SPPL2A: variants seen among roughly 807,000 people sequenced by gnomAD.
SPPL2A encodes signal peptide peptidase-like 2A.
SPPL2A carries 51 observed loss-of-function variants against 63.8 expected under a neutral mutation model. The ratio of observed to expected loss-of-function variants is 0.80; its 90% CI spans 0.64 to 1.01. SPPL2A has a LOEUF of 1.01. SPPL2A is among the 50% of genes least tolerant of loss of function. The pLI is 0.00. For missense variants in SPPL2A, 553 were observed against 622.7 expected (o/e 0.89, Z 1.19); for synonymous variants, 188 against 205.8 (o/e 0.91, Z 0.74).
At chr15:50,747,263 G>T (rs921731610) in intron 5 of SPPL2A, among the ~76,000 whole-genome samples, 4 of 152,084 alleles carry the variant, frequency 2.6e-5, no homozygotes, top group African/African-American at 9.7e-5. Context: ...ACTTAAAAGG[G>T]TCTCTGATGT....
intron 1 of SPPL2A, among the ~76,000 whole-genome samples, chr15:50,758,600 T>C (rs2062981510): frequency 6.6e-6 from 1 of 151,990 alleles, no homozygotes; most frequent in South Asian, 2.1e-4. Context: ...AGGGCTGCAA[T>C]TATAGGCGTG....
chr15:50,732,823 C>CT, intron 8 of SPPL2A, 139 bp from the exon 9 acceptor site: 1 of 595,724 alleles, frequency 1.7e-6, no homozygotes, highest in South Asian at 2.2e-5. Flanking sequence ...GATTCTCACT[C>CT]TGTCACCCAG....
intron 14 of SPPL2A, among the ~76,000 whole-genome samples, chr15:50,716,909 T>G (rs2062603167): frequency 6.6e-6 from 1 of 152,154 alleles, no homozygotes; most frequent in South Asian, 2.1e-4. Flanking sequence ...CTGCCTATTA[T>G]TTCTCTCTTT....
At chr15:50,754,756 G>A (rs537298170) in intron 1 of SPPL2A, among the ~76,000 whole-genome samples, 12 of 152,296 alleles carry the variant, frequency 7.9e-5, no homozygotes, top group African/African-American at 2.9e-4. Context: ...GCCTAGGTGG[G>A]CGGATCAACT....
Position 50,748,697 on chromosome 15 carries a change from G to T in SPPL2A, c.351C>A (p.Asn117Lys). The change falls in exon 3 of 15, where the codon AAC (asparagine) becomes AAA (lysine). Residue 117 changes from asparagine (N) to lysine (K), a missense_variant. By Grantham distance (94) the Asn-to-Lys change is moderately conservative (BLOSUM62 0). Coordinates refer to ENST00000261854, the MANE Select transcript of SPPL2A (RefSeq NM_032802.4). ...GGAEAMLVVN[N>K]SVLFPPSGNR... ...TGTTTTTATAACTTACTAGGACACTGTTATTGACAACTAACATTGCTTCAG... is the reference window on the plus strand; with the variant it reads ...TGTTTTTATAACTTACTAGGACACTTTTATTGACAACTAACATTGCTTCAG... 6.3e-7 allele frequency: 1 copy of T among 1,594,636 alleles called. No individual in the cohort carries two copies. Among genetic ancestry groups the T allele is most frequent in the Non-Finnish European group, 8.5e-7 (1 of 1,172,274 alleles).
At chr15:50,754,017 A>G (rs1015289670) in intron 1 of SPPL2A, among the ~76,000 whole-genome samples, 2 of 152,144 alleles carry the variant, frequency 1.3e-5, no homozygotes, top group African/African-American at 4.8e-5. Context: ...GGCTGGTCTC[A>G]AACTCCTGAC....
chr15:50,735,265 C>A (rs138179560), intron 8 of SPPL2A, among the ~76,000 whole-genome samples: 2 of 152,090 alleles, frequency 1.3e-5, no homozygotes, highest in South Asian at 2.1e-4. Context: ...GATTCATTCA[C>A]GCCTCTGCAT....
At chr15:50,758,679 A>C (rs565887361) in intron 1 of SPPL2A, among the ~76,000 whole-genome samples, 3 of 152,234 alleles carry the variant, frequency 2.0e-5, no homozygotes, top group African/African-American at 7.2e-5. Context: ...AAGGCCAGGC[A>C]AGTAATATAA....
chr15:50,761,422 C>A (rs2063010537), intron 1 of SPPL2A, among the ~76,000 whole-genome samples: 2 of 151,972 alleles, frequency 1.3e-5, no homozygotes, highest in Admixed American at 1.3e-4. Flanking sequence ...TCGAGAGTAG[C>A]CTGACCAATG....
rs2062490678 is a variant in SPPL2A at position 50,703,370 on chromosome 15, T to A, written c.*4430A>T. On this transcript the variant is annotated 3_prime_UTR_variant, in exon 15 of 15. Transcript: ENST00000261854. The stretch of plus-strand genomic sequence containing the variant: ...TACATATATATATTTTTTTTTTTTT[T>A]TTTTTTTTTTGAGATGGAGTCTCGC... The A allele has an allele frequency of 8.3e-6, 1 of 121,122 alleles. No individual in the cohort carries two copies. 7.5% of individuals were successfully genotyped at this position (121,122 alleles called of 1,614,324 possible).
rs1034849004 is a variant in SPPL2A, at chr15:50,706,404, A to G, written c.*1396T>C. 2 of 150,164 alleles carry G rather than the reference A, an allele frequency of 1.3e-5. No homozygotes were observed. The highest frequency in any genetic ancestry group is 3.0e-5 in the Non-Finnish European group (2 of 67,796). 9.3% of individuals were successfully genotyped at this position (150,164 alleles called of 1,614,324 possible). On this transcript the variant is annotated 3_prime_UTR_variant, in exon 15 of 15. Coordinates refer to ENST00000261854, the MANE Select transcript of SPPL2A (RefSeq NM_032802.4). ...GACTCCGTCTCAAAAAAAAAAAAAA[A>G]AAAAAAAAGAAAACTGAGATACAAG...
At chr15:50,732,144 T>G (rs1345975869) in intron 9 of SPPL2A, among the ~76,000 whole-genome samples, 1 of 150,994 alleles carries the variant, frequency 6.6e-6, no homozygotes, top group African/African-American at 2.4e-5. Flanking sequence ...TGGATAAGAG[T>G]GAGGAATAAC....
chr15:50,711,603 T>A (rs1205621894), intron 14 of SPPL2A, among the ~76,000 whole-genome samples: 1 of 152,142 alleles, frequency 6.6e-6, no homozygotes. Flanking sequence ...CGAAGTAAGA[T>A]CCTGAAGTAT....
At chr15:50,752,984 A>C (rs71471515) in intron 1 of SPPL2A, among the ~76,000 whole-genome samples, 9,027 of 152,278 alleles carry the variant, frequency 0.059, 362 homozygotes, top group Middle Eastern at 0.1. Context: ...CTTGTGATTC[A>C]TATCTACAGA....
At chr15:50,734,833 A>G (rs2062757709) in intron 8 of SPPL2A, among the ~76,000 whole-genome samples, 2 of 152,218 alleles carry the variant, frequency 1.3e-5, no homozygotes, top group African/African-American at 4.8e-5. Flanking sequence ...TTAAAAATAA[A>G]ACTTTTTAAA....
chr15:50,747,135 C>A (rs2062864668), intron 5 of SPPL2A, among the ~76,000 whole-genome samples: 1 of 152,184 alleles, frequency 6.6e-6, no homozygotes, highest in Non-Finnish European at 1.5e-5. Context: ...AATGACCCAG[C>A]CCAGGAGGAG....
At chr15:50,719,525 G>A (rs144672306) in intron 14 of SPPL2A, among the ~76,000 whole-genome samples, 2,491 of 152,272 alleles carry the variant, frequency 0.016, 25 homozygotes, top group African/African-American at 0.028. Context: ...GATTACAGGC[G>A]TGAGCCACCG....
At chr15:50,751,427 C>A (rs2062905093) in intron 1 of SPPL2A, among the ~76,000 whole-genome samples, 3 of 152,240 alleles carry the variant, frequency 2.0e-5, no homozygotes, top group East Asian at 3.9e-4. Flanking sequence ...AGAAGATAAT[C>A]CTGCAGATAA....
At chr15:50,717,967 C>CTAGACT (rs1567150531) in intron 14 of SPPL2A, among the ~76,000 whole-genome samples, 1 of 98,118 alleles carries the variant, frequency 1.0e-5, no homozygotes, top group East Asian at 3.4e-4. Flanking sequence ...CTGTAACTTT[C>CTAGACT]GTTTTTTTTT....
Sources: allele counts gnomAD v4.1 joint callset (sites outside exome capture counted in the v4.1 genomes callset), GRCh38; gene constraint gnomAD v4.1.1; transcripts MANE v1.5; gene names NCBI Gene and HGNC (gene_info 2026-07-23, HGNC 2026-07-21).